Variants in SLC38A10 observed in about 807,000 individuals in gnomAD.
SLC38A10 encodes Sodium-coupled neutral amino acid transporter 10.
A neutral mutation model predicts 81.0 loss-of-function variants in SLC38A10; 53 were observed. The observed-to-expected ratio is 0.65, with a 90% CI of 0.53 to 0.82. The LOEUF (loss-of-function observed/expected upper bound fraction) is 0.82, where lower values mean the gene tolerates loss of function less well. Among genes scored for constraint, SLC38A10 ranks in the 40% least tolerant of loss-of-function variants. SLC38A10 has a pLI of 0.00. For synonymous variants in SLC38A10, 665 were observed against 655.3 expected (o/e 1.01, Z -0.23); for missense variants, 1,471 against 1,545.0 (o/e 0.95, Z 0.80).
intron 10 of SLC38A10, among the ~76,000 whole-genome samples, chr17:81,268,916 G>A (rs1030780801): frequency 1.3e-5 from 2 of 152,162 alleles, no homozygotes; most frequent in African/African-American, 4.8e-5. Context: ...TAATGGACTA[G>A]AGAAATCAAA....
At chr17:81,284,207 A>C (rs1355144124) in intron 3 of SLC38A10, among the ~76,000 whole-genome samples, 2 of 151,844 alleles carry the variant, frequency 1.3e-5, no homozygotes, top group African/African-American at 4.8e-5. Flanking sequence ...AAAATACAAA[A>C]ATTAGCTGGG....
chr17:81,252,991 G>A, intron 12 of SLC38A10, 82 bp downstream of exon 12: 1 of 1,525,236 alleles, frequency 6.6e-7, no homozygotes, highest in Non-Finnish European at 8.9e-7. Flanking sequence ...AGCCCTGAGA[G>A]CCACCCCGCA....
Position 81,283,551 on chromosome 17 carries a change from C to T in SLC38A10, c.264-49G>A. The T allele has an allele frequency of 2.0e-6, 3 of 1,470,810 alleles. No homozygotes were observed. The highest frequency in any genetic ancestry group is 2.8e-5 in the African/African-American group (2 of 71,832). 91.1% of individuals were successfully genotyped at this position (1,470,810 alleles called of 1,614,324 possible). On this transcript the variant is annotated intron_variant, in intron 3 of 15. Transcript: ENST00000374759. This position sits in a 1 kb window ranked among gnomAD's most constrained non-coding sequence, Gnocchi z 4.7. ...GAAATGCCATCAGGGCAAGCTGGCA[C>T]ACACCTGGGCTGCCGCCAGGGACTA...
At chr17:81,278,076 C>T (rs1484117146) in intron 6 of SLC38A10, among the ~76,000 whole-genome samples, 4 of 152,296 alleles carry the variant, frequency 2.6e-5, no homozygotes, top group African/African-American at 9.6e-5. Context: ...GTAAATGGAC[C>T]AGCACAGCGG....
At chr17:81,251,644 G>A in intron 13 of SLC38A10, 32 bp from the exon 14 acceptor site, 1 of 1,466,572 alleles carries the variant, frequency 6.8e-7, no homozygotes, top group Non-Finnish European at 8.9e-7. Context: ...AGAAGGTTTT[G>A]CAGGAAAGTC....
In SLC38A10 at chr17:81,253,006, G is replaced by A; in HGVS notation, c.1456+67C>T. 6.3e-7 allele frequency: 1 copy of A among 1,575,894 alleles called. No individual in the cohort carries two copies. Among genetic ancestry groups the A allele is most frequent in the Non-Finnish European group, 8.6e-7 (1 of 1,158,590 alleles). ...AGCCCTGAGAGCCACCCCGCAGGGTGTCCAGCCTGCAAAGGAGGACCCGGG... is the reference window on the plus strand; with the variant it reads ...AGCCCTGAGAGCCACCCCGCAGGGTATCCAGCCTGCAAAGGAGGACCCGGG... On this transcript the variant is annotated intron_variant, in intron 12 of 15. Transcript: ENST00000374759. The surrounding 1 kb of genome is among the most constrained non-coding windows in gnomAD (Gnocchi z 4.1).
In SLC38A10 at chr17:81,289,651, GC is replaced by G. The variant is rs771394325; in HGVS notation, c.217+39del. ...AATAAATAAATGGAATAAGGCCCCCGCCCCAGGTCCAGAGCCACCTTGTGGA... is the reference window on the plus strand; with the variant it reads ...AATAAATAAATGGAATAAGGCCCCCGCCCAGGTCCAGAGCCACCTTGTGGA... On this transcript the variant is annotated intron_variant, in intron 2 of 15. Coordinates refer to ENST00000374759, the MANE Select transcript of SLC38A10 (RefSeq NM_001037984.3). The surrounding 1 kb of genome is among the most constrained non-coding windows in gnomAD (Gnocchi z 5.9). 7.1e-7 allele frequency: 1 copy of G among 1,416,756 alleles called. No homozygotes were observed. The highest frequency in any genetic ancestry group is 1.3e-5 in the South Asian group (1 of 78,924). The allele number at this position is 1,416,756 out of a possible 1,614,324, so 87.8% of individuals were successfully genotyped here. A position where few individuals can be genotyped will look rare whatever the true frequency, so the allele number is the denominator to read the frequency against.
rs567750840 is a variant in SLC38A10 at position 81,246,154 on chromosome 17, G to T, written c.2762C>A (p.Thr921Lys). Residue 921 changes from threonine to lysine, a missense_variant, in exon 16 of 16, where the codon ACG becomes AAG. Thr to Lys is a moderately conservative substitution (Grantham distance 78, BLOSUM62 -1). Transcript: ENST00000374759. ...NWLVAGPGAE[T>K]GDPRMKPKQV... Reference sequence around the variant, plus strand: ...CTTGGGCTTCATGCGAGGGTCCCCCGTCTCTGCTCCTGGCCCTGCCACGAG... The same window carrying T: ...CTTGGGCTTCATGCGAGGGTCCCCCTTCTCTGCTCCTGGCCCTGCCACGAG... 1 of 1,611,304 alleles carries T rather than the reference G, an allele frequency of 6.2e-7. No individual in the cohort carries two copies. The highest frequency in any genetic ancestry group is 1.7e-5 in the Admixed American group (1 of 59,976).
chr17:81,277,203 G>A lies in SLC38A10; in HGVS notation c.627-70C>T, dbSNP rs1323217025. The stretch of plus-strand genomic sequence containing the variant: ...GCCCTCCCCAGCGGCTCCACTTCTA[G>A]GACCTCTCTGCAGCCCAGTGAGAGT... On this transcript the variant is annotated intron_variant, in intron 6 of 15. Transcript: ENST00000374759. This position sits in a 1 kb window ranked among gnomAD's most constrained non-coding sequence, Gnocchi z 4.5. The A allele has an allele frequency of 4.4e-6, 6 of 1,361,608 alleles. No homozygotes were observed. The highest frequency in any genetic ancestry group is 6.3e-6 in the Non-Finnish European group (6 of 959,446). The allele number at this position is 1,361,608 out of a possible 1,614,324, so 84.3% of individuals were successfully genotyped here. A position where few individuals can be genotyped will look rare whatever the true frequency, so the allele number is the denominator to read the frequency against.
In SLC38A10 at chr17:81,265,417, A is replaced by G. The variant is rs1393918303; in HGVS notation, c.1132-5023T>C. ...AAAAAAGAACAAAACACTTGGTGGCAAATGTATCTTTTCGATTCCCTCAGG... is the reference window on the plus strand; with the variant it reads ...AAAAAAGAACAAAACACTTGGTGGCGAATGTATCTTTTCGATTCCCTCAGG... On this transcript the variant is annotated intron_variant, in intron 10 of 15. Coordinates refer to ENST00000374759, the MANE Select transcript of SLC38A10 (RefSeq NM_001037984.3). This position sits in a 1 kb window ranked among gnomAD's most constrained non-coding sequence, Gnocchi z 4.2. 1 of 152,248 alleles carries G rather than the reference A, an allele frequency of 6.6e-6. No individual in the cohort carries two copies. Among genetic ancestry groups the G allele is most frequent in the African/African-American group, 2.4e-5 (1 of 41,460 alleles). 9.4% of individuals were successfully genotyped at this position (152,248 alleles called of 1,614,324 possible). A position where few individuals can be genotyped will look rare whatever the true frequency, so the allele number is the denominator to read the frequency against.
At chr17:81,255,767 A>G (rs1168834159) in intron 11 of SLC38A10, among the ~76,000 whole-genome samples, 3 of 152,166 alleles carry the variant, frequency 2.0e-5, no homozygotes, top group Non-Finnish European at 4.4e-5. Context: ...AGGCCGAGGC[A>G]GGAGGATCAC....
chr17:81,282,296 C>CGGCGAA lies in SLC38A10; in HGVS notation c.388_393dup (p.Phe130_Ala131dup). The CGGCGAA allele has an allele frequency of 6.2e-7, 1 of 1,613,272 alleles. No individual in the cohort carries two copies. The highest frequency in any genetic ancestry group is 1.1e-5 in the South Asian group (1 of 91,082). On this transcript the variant is annotated inframe_insertion, in exon 5 of 16. Coordinates refer to ENST00000374759, the MANE Select transcript of SLC38A10 (RefSeq NM_001037984.3). ...AGCGGGAGCACGATGCACAGCGACA[C>CGGCGAA]GGCGAACAGCAGGAACATGCGGAAG...
chr17:81,269,435 C>A (rs1489676060), intron 10 of SLC38A10, among the ~76,000 whole-genome samples: 2 of 152,080 alleles, frequency 1.3e-5, no homozygotes, highest in African/African-American at 4.8e-5. Flanking sequence ...ATTGCTTGAA[C>A]CCAGGAGGCA....
intron 11 of SLC38A10, among the ~76,000 whole-genome samples, chr17:81,259,489 G>A (rs1248481350): frequency 2.0e-5 from 3 of 152,238 alleles, no homozygotes; most frequent in East Asian, 1.9e-4. Context: ...CTCAGAGCTC[G>A]TGGGAGGGCT....
chr17:81,272,709 T>C, intron 8 of SLC38A10, 82 bp from the exon 9 acceptor site: 1 of 1,004,358 alleles, frequency 1.0e-6, no homozygotes, highest in East Asian at 2.8e-5. Context: ...GAAAGGGCTC[T>C]GCCAGGCACA....
chr17:81,277,040 G>A lies in SLC38A10; in HGVS notation c.720C>T (p.Phe240=). The A allele has an allele frequency of 6.2e-7, 1 of 1,613,892 alleles. No homozygotes were observed. Reference sequence around the variant, plus strand: ...GTGGCAAGGCTCTTACCATGACGTAGAAGGTGGTGACCACATTAAGGGAGG... The same window carrying A: ...GTGGCAAGGCTCTTACCATGACGTAAAAGGTGGTGACCACATTAAGGGAGG... ...FASSLNVVTT[F]YVMVGFFGYV... The change falls in exon 7 of 16, where the codon TTC becomes TTT. Residue 240 remains phenylalanine, a synonymous_variant. Coordinates refer to ENST00000374759, the MANE Select transcript of SLC38A10 (RefSeq NM_001037984.3). The surrounding 1 kb of genome is among the most constrained non-coding windows in gnomAD (Gnocchi z 4.5).
At chr17:81,251,671 G>T in intron 13 of SLC38A10, 59 bp from the exon 14 acceptor site, 1 of 1,447,006 alleles carries the variant, frequency 6.9e-7, no homozygotes, top group African/African-American at 1.4e-5. Flanking sequence ...GGGTTTGGGG[G>T]GTTGGGGGAC....
At position 81,245,946 on chromosome 17, in the gene SLC38A10, C is replaced by A. The variant is rs376502954; in HGVS notation, c.2970G>T (p.Gly990=). ...GGHLEMRKAR[G]GDHVPVSHEQ... ...CGTGGGACACAGGCACATGGTCCCCCCCGCGGGCCTTTCTCATCTCCAGGT... is the reference window on the plus strand; with the variant it reads ...CGTGGGACACAGGCACATGGTCCCCACCGCGGGCCTTTCTCATCTCCAGGT... Residue 990 remains glycine (G), a synonymous_variant, in exon 16 of 16, where the codon GGG becomes GGT. Coordinates refer to ENST00000374759, the MANE Select transcript of SLC38A10 (RefSeq NM_001037984.3). 13 of 1,606,762 alleles carry A rather than the reference C, an allele frequency of 8.1e-6. No individual in the cohort carries two copies. In the South Asian group the frequency reaches 1.4e-4, roughly 18 times the overall value.
chr17:81,261,332 G>A (rs2063021838), intron 10 of SLC38A10, among the ~76,000 whole-genome samples: 1 of 152,226 alleles, frequency 6.6e-6, no homozygotes, highest in Non-Finnish European at 1.5e-5. Flanking sequence ...GCTGGTTTCT[G>A]CCTGGCCTGG....
Sources: gnomAD v4.1 joint callset for allele counts (sites outside exome capture counted in the v4.1 genomes callset) on GRCh38, gnomAD v4.1.1 for gene constraint, Gnocchi (gnomAD v3.1) non-coding constraint, MANE v1.5 for transcripts, NCBI Gene and HGNC (gene_info 2026-07-23, HGNC 2026-07-21) for gene names.